The following NOS1AP variants were observed in gnomAD, a reference collection of about 807,000 sequenced individuals.
NOS1AP encodes carboxyl-terminal PDZ ligand of neuronal nitric oxide synthase protein.
Under a neutral mutation model 56.2 loss-of-function variants are expected in NOS1AP, and 21 were observed. The observed-to-expected ratio is 0.37, with a 90% confidence interval of 0.26 to 0.54. The LOEUF (loss-of-function observed/expected upper bound fraction) is 0.54, where lower values mean the gene tolerates loss of function less well. NOS1AP is among the 20% of genes least tolerant of loss of function. NOS1AP has a pLI of 0.84. For missense variants in NOS1AP, 522 were observed against 657.8 expected (o/e 0.79, Z 2.26); for synonymous variants, 270 against 274.6 (o/e 0.98, Z 0.17).
chr1:162,143,153 T>A (rs1649307906), intron 1 of NOS1AP, among the ~76,000 whole-genome samples: 1 of 151,780 alleles, frequency 6.6e-6, no homozygotes, highest in Admixed American at 6.6e-5. Flanking sequence ...CATTCCCTGA[T>A]GAGGGGTGGC....
intron 7 of NOS1AP, among the ~76,000 whole-genome samples, chr1:162,355,680 G>GCA (rs4038779): frequency 0.013 from 1,985 of 150,774 alleles, 40 homozygotes; most frequent in African/African-American, 0.045. Flanking sequence ...GCTCACTCTG[G>GCA]CACACACACA....
chr1:162,280,462 G>A (rs1456401864), intron 2 of NOS1AP, among the ~76,000 whole-genome samples: 1 of 152,174 alleles, frequency 6.6e-6, no homozygotes, highest in Non-Finnish European at 1.5e-5. Context: ...TAGTGTTTCT[G>A]AATAGCATGG....
intron 1 of NOS1AP, among the ~76,000 whole-genome samples, chr1:162,152,385 G>A (rs1037851882): frequency 6.6e-6 from 1 of 152,236 alleles, no homozygotes; most frequent in Non-Finnish European, 1.5e-5. Flanking sequence ...GGAGCCATCA[G>A]CTGTGCAGTG....
chr1:162,307,348 G>A (rs1204030830), intron 4 of NOS1AP, among the ~76,000 whole-genome samples: 1 of 152,168 alleles, frequency 6.6e-6, no homozygotes, highest in Non-Finnish European at 1.5e-5. Context: ...TTTAAAACTA[G>A]GGGGAGTAAA....
chr1:162,252,327 A>G (rs1177774797), intron 2 of NOS1AP, among the ~76,000 whole-genome samples: 2 of 152,172 alleles, frequency 1.3e-5, no homozygotes, highest in African/African-American at 4.8e-5. Context: ...CTGGGATTAT[A>G]GGCATGAACC....
In NOS1AP at chr1:162,153,459, C is replaced by G. The variant is rs1197374786; in HGVS notation, c.106-946C>G. Reference sequence around the variant, plus strand: ...TATACTTTTGATCCAGCAATCTTATCCTAGGAATCCAGAAATCTTACTTCT... The same window carrying G: ...TATACTTTTGATCCAGCAATCTTATGCTAGGAATCCAGAAATCTTACTTCT... On this transcript the variant is annotated intron_variant, in intron 1 of 9. Transcript: ENST00000361897. 2.0e-5 allele frequency among the ~76,000 whole-genome samples: 3 copies of G among 152,208 alleles called. No homozygotes were observed. In the East Asian group the frequency reaches 5.8e-4, roughly 29 times the overall value.
intron 2 of NOS1AP, among the ~76,000 whole-genome samples, chr1:162,215,085 C>T (rs1652519353): frequency 1.3e-5 from 2 of 152,220 alleles, no homozygotes; most frequent in South Asian, 4.1e-4. Flanking sequence ...GAAGCTTCTC[C>T]AAGATTTCTT....
At chr1:162,120,511 A>G (rs1323419275) in intron 1 of NOS1AP, among the ~76,000 whole-genome samples, 2 of 152,186 alleles carry the variant, frequency 1.3e-5, no homozygotes, top group Admixed American at 6.5e-5. Flanking sequence ...GGTTTAATGG[A>G]CTCACAGTTC....
At chr1:162,353,251 T>A (rs1270953863) in intron 6 of NOS1AP, among the ~76,000 whole-genome samples, 1 of 152,166 alleles carries the variant, frequency 6.6e-6, no homozygotes, top group Non-Finnish European at 1.5e-5. Flanking sequence ...ATTACTTGCT[T>A]TCAGTCCCTC....
At chr1:162,223,856 T>C (rs1652860331) in intron 2 of NOS1AP, among the ~76,000 whole-genome samples, 1 of 152,230 alleles carries the variant, frequency 6.6e-6, no homozygotes. Flanking sequence ...GATAAGCATT[T>C]CAATACTATA....
chr1:162,234,982 G>A (rs1254067282), intron 2 of NOS1AP, among the ~76,000 whole-genome samples: 1 of 152,080 alleles, frequency 6.6e-6, no homozygotes, highest in African/African-American at 2.4e-5. Context: ...CAGTTCCCTG[G>A]GCTGAGTTTG....
intron 2 of NOS1AP, among the ~76,000 whole-genome samples, chr1:162,154,932 G>T (rs1649873255): frequency 6.6e-6 from 1 of 152,118 alleles, no homozygotes; most frequent in African/African-American, 2.4e-5. Context: ...AGGATTATAG[G>T]CATGAGCCTG....
intron 4 of NOS1AP, among the ~76,000 whole-genome samples, chr1:162,332,582 A>T (rs1411770066): frequency 6.6e-6 from 1 of 152,168 alleles, no homozygotes; most frequent in Non-Finnish European, 1.5e-5. Context: ...AGTCCCTCCC[A>T]ATGTGGTAAA....
At chr1:162,216,287 T>A (rs1190443978) in intron 2 of NOS1AP, among the ~76,000 whole-genome samples, 1 of 152,176 alleles carries the variant, frequency 6.6e-6, no homozygotes, top group Non-Finnish European at 1.5e-5. Flanking sequence ...AGAAAAACCC[T>A]CTTTCACACA....
At chr1:162,208,297 T>C (rs963355602) in intron 2 of NOS1AP, among the ~76,000 whole-genome samples, 1 of 152,224 alleles carries the variant, frequency 6.6e-6, no homozygotes, top group African/African-American at 2.4e-5. Flanking sequence ...ACACACCCAA[T>C]TTAACTCTGG....
chr1:162,118,414 G>A (rs754414458), intron 1 of NOS1AP, among the ~76,000 whole-genome samples: 9 of 152,160 alleles, frequency 5.9e-5, no homozygotes, highest in East Asian at 1.9e-4. Context: ...CTACATCCAC[G>A]TTGCTGCAAA....
chr1:162,278,952 C>A (rs1654832051), intron 2 of NOS1AP, among the ~76,000 whole-genome samples: 1 of 152,006 alleles, frequency 6.6e-6, no homozygotes, highest in Non-Finnish European at 1.5e-5. Flanking sequence ...CATATATTAA[C>A]CATTTAGAGG....
At chr1:162,365,205 A>G in intron 8 of NOS1AP, 199 bp from the exon 9 acceptor site, 3 of 1,449,150 alleles carry the variant, frequency 2.1e-6, no homozygotes, top group South Asian at 1.5e-5. Context: ...ACAGCTTCGC[A>G]GTGCCAGTGA....
chr1:162,369,594 T>G lies in NOS1AP; in HGVS notation c.*2127T>G, dbSNP rs1647313636. On this transcript the variant is annotated 3_prime_UTR_variant, in exon 10 of 10. Transcript: ENST00000361897. Reference sequence around the variant, plus strand: ...TGAGGAAGGCCGCTTCTAAATGGCCTGTAAAAACTTGAGATTGGATAGACG... The same window carrying G: ...TGAGGAAGGCCGCTTCTAAATGGCCGGTAAAAACTTGAGATTGGATAGACG... 6.6e-6 allele frequency: 1 copy of G among 152,396 alleles called. No homozygotes were observed. The highest frequency in any genetic ancestry group is 2.1e-4 in the South Asian group (1 of 4,830). 9.4% of individuals were successfully genotyped at this position (152,396 alleles called of 1,614,324 possible). A position where few individuals can be genotyped will look rare whatever the true frequency, so the allele number is the denominator to read the frequency against.
Sources: gnomAD v4.1 joint callset for allele counts (sites outside exome capture counted in the v4.1 genomes callset) on GRCh38, gnomAD v4.1.1 for gene constraint, MANE v1.5 for transcripts, NCBI Gene and HGNC (gene_info 2026-07-23, HGNC 2026-07-21) for gene names.